The following AGPAT3 variants were observed in gnomAD, a reference collection of about 807,000 sequenced individuals.
AGPAT3 encodes 1-acyl-sn-glycerol-3-phosphate acyltransferase gamma.
In AGPAT3, 5 loss-of-function variants were observed where a neutral mutation model predicts 47.3. That is an observed-to-expected ratio of 0.11 (90% CI 0.06 to 0.22). The LOEUF is 0.22. AGPAT3 is among the 10% of genes least tolerant of loss of function. The pLI, the probability that AGPAT3 is intolerant of heterozygous loss-of-function variation, is 1.00. For synonymous variants in AGPAT3, 212 were observed against 208.3 expected (o/e 1.02, Z -0.15); for missense variants, 315 against 493.0 (o/e 0.64, Z 3.42).
intron 2 of AGPAT3, among the ~76,000 whole-genome samples, chr21:43,958,946 G>T (rs1354225477): frequency 8.0e-6 from 1 of 125,480 alleles, no homozygotes; most frequent in African/African-American, 3.2e-5. Context: ...GTGTGTGTGT[G>T]GCGTGTATGT....
chr21:43,921,950 C>G (rs559287365), intron 2 of AGPAT3, among the ~76,000 whole-genome samples: 1 of 152,110 alleles, frequency 6.6e-6, no homozygotes, highest in Non-Finnish European at 1.5e-5. Context: ...CACAGCTCCC[C>G]GGGGGTCACC....
intron 2 of AGPAT3, among the ~76,000 whole-genome samples, chr21:43,944,470 T>C (rs997976760): frequency 1.3e-5 from 2 of 152,236 alleles, no homozygotes; most frequent in Non-Finnish European, 2.9e-5. Context: ...GGGCACTCTC[T>C]TTCCTGGAGA....
chr21:43,928,151 G>A (rs916974433), intron 2 of AGPAT3, among the ~76,000 whole-genome samples: 4 of 152,204 alleles, frequency 2.6e-5, no homozygotes, highest in African/African-American at 9.7e-5. Flanking sequence ...GATCCTTGCT[G>A]GACGTGGAAG....
chr21:43,930,475 G>A lies in AGPAT3; in HGVS notation c.-49+26456G>A, dbSNP rs570409871. On this transcript the variant is annotated intron_variant, in intron 2 of 9. Coordinates refer to ENST00000291572, the MANE Select transcript of AGPAT3 (RefSeq NM_020132.5). This position sits in a 1 kb window ranked among gnomAD's most constrained non-coding sequence, Gnocchi z 5.0. ...ACCTCAGCGTGGCCCATGGGACCTC[G>A]CTGTGGTGTGTCTCAGCAACATCAT... 2.6e-5 allele frequency among the ~76,000 whole-genome samples: 4 copies of A among 152,246 alleles called. No individual in the cohort carries two copies. The highest frequency in any genetic ancestry group is 1.9e-4 in the East Asian group (1 of 5,178).
At chr21:43,906,933 A>T (rs1167916733) in intron 2 of AGPAT3, among the ~76,000 whole-genome samples, 1 of 152,084 alleles carries the variant, frequency 6.6e-6, no homozygotes, top group Admixed American at 6.5e-5. Context: ...AGACAGGCAG[A>T]CCTGGCAGGG....
chr21:43,889,879 A>T (rs1222833043), intron 1 of AGPAT3, among the ~76,000 whole-genome samples: 2 of 152,206 alleles, frequency 1.3e-5, no homozygotes, highest in Non-Finnish European at 2.9e-5. Context: ...GCTGCTGAGC[A>T]CTCAGGGAGG....
At chr21:43,872,601 G>A (rs1244043432) in intron 1 of AGPAT3, among the ~76,000 whole-genome samples, 3 of 152,222 alleles carry the variant, frequency 2.0e-5, no homozygotes, top group African/African-American at 4.8e-5. Flanking sequence ...AAATTTATTT[G>A]TAGATTTTGG....
intron 1 of AGPAT3, among the ~76,000 whole-genome samples, chr21:43,897,421 T>A (rs1021686975): frequency 6.6e-6 from 1 of 151,828 alleles, no homozygotes; most frequent in South Asian, 2.1e-4. Flanking sequence ...CCTTTTCTAT[T>A]CGACAAAACC....
chr21:43,874,373 G>A (rs1318927570), intron 1 of AGPAT3, among the ~76,000 whole-genome samples: 1 of 152,216 alleles, frequency 6.6e-6, no homozygotes, highest in African/African-American at 2.4e-5. Context: ...TAGTTCTGCT[G>A]TACTGTCGTC....
chr21:43,895,602 A>T (rs28521708), intron 1 of AGPAT3, among the ~76,000 whole-genome samples: 22 of 143,844 alleles, frequency 1.5e-4, no homozygotes, highest in South Asian at 6.6e-4. Context: ...TTAAAAAAAA[A>T]TTTTTTTTTG....
At chr21:43,872,343 G>T (rs939271783) in intron 1 of AGPAT3, among the ~76,000 whole-genome samples, 1 of 152,054 alleles carries the variant, frequency 6.6e-6, no homozygotes, top group African/African-American at 2.4e-5. Flanking sequence ...ACCATGCCTA[G>T]CTAATTTTTG....
intron 2 of AGPAT3, among the ~76,000 whole-genome samples, chr21:43,938,475 A>G (rs1569075998): frequency 6.6e-6 from 1 of 151,648 alleles, no homozygotes; most frequent in South Asian, 2.1e-4. Context: ...TGTATTTTTA[A>G]TAGAGACAGG....
chr21:43,970,604 C>T lies in AGPAT3; in HGVS notation c.511-49C>T, dbSNP rs1292859000. 1.3e-6 allele frequency: 2 copies of T among 1,598,128 alleles called. No homozygotes were observed. The highest frequency in any genetic ancestry group is 2.3e-5 in the East Asian group (1 of 44,128). On this transcript the variant is annotated intron_variant, in intron 5 of 9. Transcript: ENST00000291572. The surrounding 1 kb of genome is among the most constrained non-coding windows in gnomAD (Gnocchi z 5.8). ...GAGGCAGGCCTGGCCTGGACATGCA[C>T]CCACCCCAGCTGCTCTGTGGAGTGA...
Position 43,959,675 on chromosome 21 carries a change from C to T in AGPAT3, c.-7C>T. The T allele has an allele frequency of 6.2e-7, 1 of 1,612,408 alleles. No homozygotes were observed. ...GAGGGGCCGTGCACCCGCTCCTGAG[C>T]AGCGCCATGGGCCTGCTGGCCTTCC... On this transcript the variant is annotated 5_prime_UTR_variant, in exon 3 of 10. Transcript: ENST00000291572.
intron 1 of AGPAT3, among the ~76,000 whole-genome samples, chr21:43,869,815 G>A (rs925639671): frequency 6.6e-6 from 1 of 152,192 alleles, no homozygotes; most frequent in Non-Finnish European, 1.5e-5. Flanking sequence ...ACCTTGAAGC[G>A]GCTTTCTCTG....
chr21:43,969,140 A>G lies in AGPAT3; in HGVS notation c.371A>G (p.Lys124Arg), dbSNP rs768765430. ...VLGSSKVLAKKELLYVPLIGW... is the reference protein window; with the variant it reads ...VLGSSKVLAKRELLYVPLIGW... ...CAGAGCTCCAAGGTCCTCGCTAAGA[A>G]GGAGCTGCTCTACGTGCCCCTCATC... Residue 124 changes from lysine (K) to arginine (R), a missense_variant, in exon 5 of 10, where the codon AAG becomes AGG. Transcript: ENST00000291572. The G allele has an allele frequency of 1.4e-5, 22 of 1,614,076 alleles. No individual in the cohort carries two copies. In the African/African-American group the frequency reaches 2.5e-4, roughly 19 times the overall value.
At chr21:43,973,244 G>A (rs574681117) in intron 7 of AGPAT3, among the ~76,000 whole-genome samples, 4 of 152,250 alleles carry the variant, frequency 2.6e-5, no homozygotes, top group Non-Finnish European at 5.9e-5. Context: ...AAACCCCTGG[G>A]AGGGAGCTCT....
At chr21:43,937,518 A>G (rs992646598) in intron 2 of AGPAT3, among the ~76,000 whole-genome samples, 3 of 152,180 alleles carry the variant, frequency 2.0e-5, no homozygotes, top group East Asian at 1.9e-4. Context: ...AGCCATCACA[A>G]CTTGATACAG....
At chr21:43,904,293 A>G (rs2086433949) in intron 2 of AGPAT3, among the ~76,000 whole-genome samples, 1 of 152,216 alleles carries the variant, frequency 6.6e-6, no homozygotes. Flanking sequence ...GCTGAGCTCA[A>G]AGGGGCTGAG....
Sources: gnomAD v4.1 joint callset for allele counts (sites outside exome capture counted in the v4.1 genomes callset) on GRCh38, gnomAD v4.1.1 for gene constraint, Gnocchi (gnomAD v3.1) non-coding constraint, MANE v1.5 for transcripts, NCBI Gene and HGNC (gene_info 2026-07-23, HGNC 2026-07-21) for gene names.